The following MFAP1 variants were observed in gnomAD, a reference collection of about 807,000 sequenced individuals.
The protein encoded by MFAP1 is microfibrillar-associated protein 1.
A neutral mutation model predicts 62.2 loss-of-function variants in MFAP1; 18 were observed. That is an observed-to-expected ratio of 0.29 (90% CI 0.20 to 0.43). The LOEUF is 0.43. Ranked by LOEUF, MFAP1 falls within the 20% of genes least tolerant of loss-of-function variation. The probability of loss-of-function intolerance (pLI) is 1.00; values close to 1 mark genes in which losing one functional copy is unlikely to be tolerated. For missense variants in MFAP1, 355 were observed against 559.7 expected, an observed-to-expected ratio of 0.63 and a Z score of 3.69; for synonymous variants, 175 against 180.4, an observed-to-expected ratio of 0.97 and a Z score of 0.24.
chr15:43,806,911 C>T (rs1334044335), intron 7 of MFAP1, among the ~76,000 whole-genome samples: 4 of 152,046 alleles, frequency 2.6e-5, no homozygotes, highest in African/African-American at 4.8e-5. Flanking sequence ...TACAACTCCT[C>T]TGTGTAGTAA....
chr15:43,814,526 G>T lies in MFAP1; in HGVS notation c.592C>A (p.Arg198Ser). The change falls in exon 4 of 9, where the codon CGC becomes AGC. Residue 198 changes from arginine to serine, a missense_variant. By Grantham distance (110) the Arg-to-Ser change is moderately radical. Coordinates refer to ENST00000267812, the MANE Select transcript of MFAP1 (RefSeq NM_005926.3). ...YTDSEDEMEP[R>S]LKPVFIRKKD... is the part of the protein sequence containing the mutation. ...TTTCGAATGAAGACTGGCTTAAGGC[G>T]AGGCTCCATCTCATCTTCACTGTCT... The T allele has an allele frequency of 6.2e-7, 1 of 1,613,040 alleles. No homozygotes were observed. The highest frequency in any genetic ancestry group is 8.5e-7 in the Non-Finnish European group (1 of 1,179,432).
At position 43,817,246 on chromosome 15, in the gene MFAP1, A is replaced by G. The variant is rs2087439259; in HGVS notation, c.282T>C (p.Ser94=). Residue 94 remains serine, a synonymous_variant, in exon 2 of 9, where the codon AGT becomes AGC. Transcript: ENST00000267812. The part of the protein sequence containing the change: ...PRLRRLQNRI[S]EDVEERLARH... ...GACATTACCTCTCTTCCACATCTTC[A>G]CTAATACGGTTCTGTAAACGCCGTA... The G allele has an allele frequency of 6.2e-7, 1 of 1,613,572 alleles. No homozygotes were observed. The highest frequency in any genetic ancestry group is 1.3e-5 in the African/African-American group (1 of 74,894).
chr15:43,819,348 C>G (rs1038798223), intron 1 of MFAP1, among the ~76,000 whole-genome samples: 3 of 151,986 alleles, frequency 2.0e-5, no homozygotes, highest in Non-Finnish European at 4.4e-5. Flanking sequence ...TGCTATGTTG[C>G]CCAAGCTGGC....
At chr15:43,820,427 A>G (rs544812063) in intron 1 of MFAP1, among the ~76,000 whole-genome samples, 2 of 152,316 alleles carry the variant, frequency 1.3e-5, no homozygotes, top group South Asian at 4.1e-4. Flanking sequence ...AATAAGGAAA[A>G]GTTATAAGGA....
chr15:43,809,617 A>G, intron 7 of MFAP1, 138 bp downstream of exon 7: 1 of 1,024,088 alleles, frequency 9.8e-7, no homozygotes, highest in Non-Finnish European at 1.4e-6. Flanking sequence ...TATATTGTTC[A>G]GAAGGAAAAA....
In MFAP1 at chr15:43,813,130, G is replaced by A. The variant is rs1195308236; in HGVS notation, c.744C>T (p.Thr248=). 2.5e-6 allele frequency: 4 copies of A among 1,613,650 alleles called. No homozygotes were observed. The highest frequency in any genetic ancestry group is 1.7e-5 in the Admixed American group (1 of 59,886). ...KYTLKIVEEE[T]KKELEENKRS... is the part of the protein sequence containing the mutation. Reference sequence around the variant, plus strand: ...GCTTGTTCTCTTCCAGCTCTTTTTTGGTTTCCTCTTCGACAATCTGGATAG... The same window carrying A: ...GCTTGTTCTCTTCCAGCTCTTTTTTAGTTTCCTCTTCGACAATCTGGATAG... Residue 248 remains threonine, a synonymous_variant, in exon 6 of 9, where the codon ACC becomes ACT. Coordinates refer to ENST00000267812, the MANE Select transcript of MFAP1 (RefSeq NM_005926.3).
rs1261789443 is a variant in MFAP1, at chr15:43,814,407, G to C, written c.617+94C>G. On this transcript the variant is annotated intron_variant, in intron 4 of 8. Transcript: ENST00000267812. ...CAAAAGCACTTTCACTCAGCGTTTA[G>C]ATTTCAGAATAGCAAGACAGAAAAC... is the stretch of plus-strand genomic sequence containing the variant. 3.6e-6 allele frequency: 5 copies of C among 1,405,312 alleles called. 1 individual carries two copies. Among genetic ancestry groups the C allele is most frequent in the Middle Eastern group, 3.7e-4 (2 of 5,412 alleles). The allele number at this position is 1,405,312 out of a possible 1,614,324, so 87.1% of individuals were successfully genotyped here. A position where few individuals can be genotyped will look rare whatever the true frequency, so the allele number is the denominator to read the frequency against.
chr15:43,807,730 C>T (rs966141656), intron 7 of MFAP1, among the ~76,000 whole-genome samples: 3 of 152,170 alleles, frequency 2.0e-5, no homozygotes, highest in Admixed American at 6.5e-5. Flanking sequence ...ACATCTCTCT[C>T]GTCAGAACCC....
At chr15:43,809,596 T>C (rs563479992) in intron 7 of MFAP1, among the ~76,000 whole-genome samples, 159 bp downstream of exon 7, 1 of 152,302 alleles carries the variant, frequency 6.6e-6, no homozygotes, top group South Asian at 2.1e-4. Flanking sequence ...GCTGATGCTT[T>C]TCTCTGAGTT....
intron 2 of MFAP1, 41 bp from the exon 3 acceptor site, chr15:43,815,115 A>C: frequency 6.2e-7 from 1 of 1,612,014 alleles, no homozygotes; most frequent in Non-Finnish European, 8.5e-7. Context: ...AATGTCATAA[A>C]AATGAAGTAG....
chr15:43,810,421 C>T (rs2087391652), intron 6 of MFAP1, among the ~76,000 whole-genome samples: 2 of 149,986 alleles, frequency 1.3e-5, no homozygotes, highest in Admixed American at 6.7e-5. Flanking sequence ...GGCTGGAGTG[C>T]AGTGGTGTGA....
intron 6 of MFAP1, among the ~76,000 whole-genome samples, chr15:43,811,007 G>A (rs1356111369): frequency 1.3e-5 from 2 of 150,544 alleles, no homozygotes; most frequent in African/African-American, 2.4e-5. Flanking sequence ...CGCCCACCTC[G>A]GCCTCCCAAA....
chr15:43,813,923 A>G (rs1039115009), intron 4 of MFAP1, among the ~76,000 whole-genome samples: 2 of 152,308 alleles, frequency 1.3e-5, no homozygotes, highest in Admixed American at 1.3e-4. Flanking sequence ...GGAAAGGAAT[A>G]GGAATTTGCT....
chr15:43,806,848 G>C (rs2087369323), intron 7 of MFAP1, among the ~76,000 whole-genome samples: 1 of 152,004 alleles, frequency 6.6e-6, no homozygotes, highest in East Asian at 1.9e-4. Flanking sequence ...CTCCAGCCTG[G>C]GTGACAGAGC....
Position 43,817,078 on chromosome 15 carries a change from G to A in MFAP1, c.299+151C>T, listed in dbSNP as rs1336925570. On this transcript the variant is annotated intron_variant, in intron 2 of 8. Transcript: ENST00000267812. ...TTAGTTTCCTCCTTTTGTGAAATGG[G>A]GATAATAGCACCTATTTCATAAAGT... 5.0e-6 allele frequency: 4 copies of A among 805,070 alleles called. No homozygotes were observed. In the African/African-American group the frequency reaches 7.0e-5, roughly 14 times the overall value. The allele number at this position is 805,070 out of a possible 1,614,324, so 49.9% of individuals were successfully genotyped here. A position where few individuals can be genotyped will look rare whatever the true frequency, so the allele number is the denominator to read the frequency against.
Sources: allele counts gnomAD v4.1 joint callset (sites outside exome capture counted in the v4.1 genomes callset), GRCh38; gene constraint gnomAD v4.1.1; transcripts MANE v1.5; gene names NCBI Gene and HGNC (gene_info 2026-07-23, HGNC 2026-07-21).